The following RUNX2 variants were observed in gnomAD, a reference collection of about 807,000 sequenced individuals.
RUNX2 encodes the protein RUNX family transcription factor 2, also known as runt-related transcription factor 2.
In RUNX2, 10 loss-of-function variants were observed where a neutral mutation model predicts 51.7. The ratio of observed to expected loss-of-function variants is 0.19; its 90% CI spans 0.12 to 0.33. The LOEUF (loss-of-function observed/expected upper bound fraction) is 0.33, where lower values mean the gene tolerates loss of function less well. Among genes scored for constraint, RUNX2 ranks in the 10% least tolerant of loss-of-function variants. The pLI is 1.00. For synonymous variants in RUNX2, 276 were observed against 273.6 expected (o/e 1.01, Z -0.09); for missense variants, 562 against 691.3 (o/e 0.81, Z 2.10).
intron 3 of RUNX2, among the ~76,000 whole-genome samples, chr6:45,428,569 G>A (rs1798449138): frequency 6.6e-6 from 1 of 152,046 alleles, no homozygotes; most frequent in Non-Finnish European, 1.5e-5. Flanking sequence ...CAGCCTCATA[G>A]AAGGCTCACA....
In RUNX2 at chr6:45,460,639, G is replaced by A. The variant is rs140935141; in HGVS notation, c.685+22588G>A. 3.6e-3 allele frequency among the ~76,000 whole-genome samples: 542 copies of A among 152,156 alleles called. 2 individuals are homozygous for A. Among genetic ancestry groups the A allele is most frequent in the Admixed American group, 7.7e-3 (117 of 15,284 alleles). On this transcript the variant is annotated intron_variant, in intron 5 of 8. Transcript: ENST00000647337. ...CTGGGTTTGGTGGCATGCACCTGTAGTCCCATCTACTTGGGAGGCTGAGGC... is the reference window on the plus strand; with the variant it reads ...CTGGGTTTGGTGGCATGCACCTGTAATCCCATCTACTTGGGAGGCTGAGGC...
At chr6:45,536,943 G>A (rs914958711) in intron 7 of RUNX2, among the ~76,000 whole-genome samples, 2 of 152,108 alleles carry the variant, frequency 1.3e-5, no homozygotes, top group African/African-American at 4.8e-5. Flanking sequence ...TCAAGATTTT[G>A]ATTCTCAATT....
chr6:45,493,635 C>T (rs912858972), intron 6 of RUNX2, among the ~76,000 whole-genome samples: 1 of 151,604 alleles, frequency 6.6e-6, no homozygotes, highest in Non-Finnish European at 1.5e-5. Flanking sequence ...CATACTTATA[C>T]CCCCTAAATA....
intron 7 of RUNX2, among the ~76,000 whole-genome samples, chr6:45,539,071 C>T (rs1237436295): frequency 6.6e-6 from 1 of 152,134 alleles, no homozygotes; most frequent in Non-Finnish European, 1.5e-5. Flanking sequence ...CCTTACTCTC[C>T]CTCCCTGTAT....
At chr6:45,497,375 A>T (rs1800676982) in intron 6 of RUNX2, among the ~76,000 whole-genome samples, 1 of 152,120 alleles carries the variant, frequency 6.6e-6, no homozygotes, top group African/African-American at 2.4e-5. Flanking sequence ...GATTCTGGAC[A>T]CTTCTGCATA....
At chr6:45,390,252 T>A (rs1797443131) in intron 2 of RUNX2, among the ~76,000 whole-genome samples, 1 of 152,192 alleles carries the variant, frequency 6.6e-6, no homozygotes, top group Non-Finnish European at 1.5e-5. Flanking sequence ...TTGTTTTTTA[T>A]GCTGGGTCTC....
At chr6:45,349,238 C>T (rs1416305252) in intron 2 of RUNX2, among the ~76,000 whole-genome samples, 1 of 152,126 alleles carries the variant, frequency 6.6e-6, no homozygotes, top group Admixed American at 6.6e-5. Flanking sequence ...TATGGAATCA[C>T]AATAATTCTC....
intron 2 of RUNX2, among the ~76,000 whole-genome samples, chr6:45,374,866 CTTAT>C (rs1004733510): frequency 1.3e-5 from 2 of 152,142 alleles, no homozygotes; most frequent in African/African-American, 4.8e-5. Flanking sequence ...TTCCAGGTAT[CTTAT>C]TTATTATTTA....
chr6:45,485,192 C>CTTTTTTT (rs199954113), intron 5 of RUNX2, among the ~76,000 whole-genome samples: 3 of 139,344 alleles, frequency 2.2e-5, no homozygotes, highest in Non-Finnish European at 3.1e-5. Flanking sequence ...TTCTTTCTTT[C>CTTTTTTT]TTTTTTTTTT....
At chr6:45,374,920 T>C (rs1796563268) in intron 2 of RUNX2, among the ~76,000 whole-genome samples, 1 of 152,200 alleles carries the variant, frequency 6.6e-6, no homozygotes, top group African/African-American at 2.4e-5. Context: ...TTAAAGTATA[T>C]TTCTGGCCGG....
intron 2 of RUNX2, among the ~76,000 whole-genome samples, chr6:45,363,098 A>G (rs923504580): frequency 2.0e-5 from 3 of 152,102 alleles, no homozygotes; most frequent in Admixed American, 2.0e-4. Flanking sequence ...TTTTTCTGTA[A>G]AAGACCATAT....
chr6:45,334,449 C>CAAAAA (rs551014969), intron 2 of RUNX2, among the ~76,000 whole-genome samples: 666 of 91,590 alleles, frequency 7.3e-3, no homozygotes, highest in Non-Finnish European at 1.0e-2. Context: ...TCAGGAAAAG[C>CAAAAA]AAAAAAAAAA....
At chr6:45,380,053 T>A (rs1015924756) in intron 2 of RUNX2, among the ~76,000 whole-genome samples, 2 of 152,242 alleles carry the variant, frequency 1.3e-5, no homozygotes, top group African/African-American at 4.8e-5. Context: ...TGGAATTTCT[T>A]AAAATCCATT....
intron 7 of RUNX2, among the ~76,000 whole-genome samples, chr6:45,543,953 G>A (rs1187438516): frequency 6.7e-6 from 1 of 150,284 alleles, no homozygotes; most frequent in Non-Finnish European, 1.5e-5. Context: ...ATTTTATAAG[G>A]GATCTCGTAT....
intron 6 of RUNX2, among the ~76,000 whole-genome samples, chr6:45,508,913 T>A (rs1801059849): frequency 6.6e-6 from 1 of 152,246 alleles, no homozygotes; most frequent in South Asian, 2.1e-4. Flanking sequence ...AGTTGTTTAT[T>A]GAGTACTATG....
chr6:45,444,154 T>G (rs1234438446), intron 5 of RUNX2, among the ~76,000 whole-genome samples: 1 of 152,200 alleles, frequency 6.6e-6, no homozygotes, highest in African/African-American at 2.4e-5. Flanking sequence ...CTGGCCAAGA[T>G]TAGAGGTTTT....
At chr6:45,538,233 G>T (rs552395885) in intron 7 of RUNX2, among the ~76,000 whole-genome samples, 1 of 152,280 alleles carries the variant, frequency 6.6e-6, no homozygotes, top group East Asian at 1.9e-4. Context: ...TTTTTTGAAA[G>T]ATTTACTTAG....
chr6:45,504,842 CAAG>C (rs1303567325), intron 6 of RUNX2, among the ~76,000 whole-genome samples: 1 of 152,150 alleles, frequency 6.6e-6, no homozygotes, highest in Non-Finnish European at 1.5e-5. Context: ...CCAGTTTTCT[CAAG>C]AAATATTTGA....
intron 2 of RUNX2, among the ~76,000 whole-genome samples, chr6:45,413,847 G>T (rs17209874): frequency 6.6e-6 from 1 of 152,030 alleles, no homozygotes; most frequent in Non-Finnish European, 1.5e-5. Context: ...GAAATCACTC[G>T]GTAAGTTCTC....
Sources: allele counts gnomAD v4.1 joint callset (sites outside exome capture counted in the v4.1 genomes callset), GRCh38; gene constraint gnomAD v4.1.1; transcripts MANE v1.5; gene names NCBI Gene and HGNC (gene_info 2026-07-23, HGNC 2026-07-21).